CIITA: variants seen among roughly 807,000 people sequenced by gnomAD.
The protein encoded by CIITA is class II major histocompatibility complex transactivator, also known as MHC class II transactivator.
A neutral mutation model predicts 115.1 loss-of-function variants in CIITA; 72 were observed. The observed-to-expected ratio is 0.63, with a 90% CI of 0.52 to 0.76. CIITA has a LOEUF of 0.76. Among genes scored for constraint, CIITA ranks in the 30% least tolerant of loss-of-function variants. The pLI, the probability that CIITA is intolerant of heterozygous loss-of-function variation, is 0.00. For synonymous variants in CIITA, 763 were observed against 635.6 expected, an observed-to-expected ratio of 1.20 and a Z score of -3.02; for missense variants, 1,617 against 1,463.8, an observed-to-expected ratio of 1.10 and a Z score of -1.71.
rs2038811106 is a variant in CIITA at position 10,902,065 on chromosome 16, G to A, written c.509G>A (p.Ser170Asn). The change falls in exon 7 of 20, where the codon AGT (serine) becomes AAT (asparagine). Residue 170 changes from serine to asparagine, a missense_variant. By Grantham distance (46) the Ser-to-Asn change is conservative (BLOSUM62 1). Coordinates refer to ENST00000324288, the MANE Select transcript of CIITA (RefSeq NM_000246.4). ...PAEPPTVVTG[S>N]LLVGPVSDCS... ...GAGCCCCCCACTGTGGTGACTGGCA[G>A]TCTCCTAGTGGGACCAGTGAGCGAC... is the stretch of plus-strand genomic sequence containing the variant. 2 of 1,614,142 alleles carry A rather than the reference G, an allele frequency of 1.2e-6. No individual in the cohort carries two copies. Among genetic ancestry groups the A allele is most frequent in the East Asian group, 2.2e-5 (1 of 44,878 alleles).
At chr16:10,913,721 C>A (rs1471007287) in intron 13 of CIITA, among the ~76,000 whole-genome samples, 1 of 151,874 alleles carries the variant, frequency 6.6e-6, no homozygotes, top group Non-Finnish European at 1.5e-5. Context: ...AGGTGGATCA[C>A]AAGGCCAGGA....
intron 1 of CIITA, chr16:10,878,832 T>A (rs1232668018): frequency 4.3e-6 from 1 of 230,444 alleles, no homozygotes; most frequent in African/African-American, 2.2e-5. Context: ...CCACTTCTGA[T>A]AAAGCACGTG....
chr16:10,929,111 C>G lies in CIITA; in HGVS notation c.*5256C>G, dbSNP rs1596638741. 2 of 716,174 alleles carry G rather than the reference C, an allele frequency of 2.8e-6. No homozygotes were observed. Among genetic ancestry groups the G allele is most frequent in the African/African-American group, 1.9e-5 (1 of 51,962 alleles). The allele number at this position is 716,174 out of a possible 1,614,324, so 44.4% of individuals were successfully genotyped here. ...GAGCGAGAATCCCACCCTCAGCCCCCCAACAGCTTCCTCAGCTTCTTTTTC... is the reference window on the plus strand; with the variant it reads ...GAGCGAGAATCCCACCCTCAGCCCCGCAACAGCTTCCTCAGCTTCTTTTTC... On this transcript the variant is annotated 3_prime_UTR_variant, in exon 20 of 20. Coordinates refer to ENST00000324288, the MANE Select transcript of CIITA (RefSeq NM_000246.4). This position sits in a 1 kb window ranked among gnomAD's most constrained non-coding sequence, Gnocchi z 4.3.
At position 10,918,509 on chromosome 16, in the gene CIITA, A is replaced by C. The variant is rs202095013; in HGVS notation, c.3132A>C (p.Ala1044=). 3.1e-6 allele frequency: 5 copies of C among 1,614,118 alleles called. No homozygotes were observed. The highest frequency in any genetic ancestry group is 4.2e-6 in the Non-Finnish European group (5 of 1,180,006). ...CCGAGGCCCTGCCTTCGCTCGCTGC[A>C]TCCCTGCTCAGGCTAAGGTGAGTGG... The part of the protein sequence containing the change: ...KLAEALPSLA[A]SLLRLSLYNN... The change falls in exon 16 of 20, where the codon GCA becomes GCC. Residue 1044 remains alanine, a synonymous_variant. Transcript: ENST00000324288.
intron 18 of CIITA, chr16:10,922,953 C>A (rs1457517873): frequency 3.6e-6 from 2 of 548,882 alleles, no homozygotes; most frequent in South Asian, 4.1e-5. Flanking sequence ...GTGGGTCTTA[C>A]AAGACCCATT....
At chr16:10,899,145 T>C in intron 5 of CIITA, 143 bp downstream of exon 5, 1 of 757,208 alleles carries the variant, frequency 1.3e-6, no homozygotes, top group South Asian at 1.5e-5. Context: ...ACAGGAGCCT[T>C]AAAATGTACA....
downstream of CIITA, chr16:10,938,362 C>T (rs548163820): frequency 6.9e-6 from 1 of 144,666 alleles, no homozygotes; most frequent in South Asian, 2.2e-4. The surrounding 1 kb of genome is among the most constrained non-coding windows in gnomAD (Gnocchi z 4.9). Context: ...TGGGTCCACA[C>T]ATAAGAGAAA....
At chr16:10,897,461 G>A (rs2038247350) in intron 3 of CIITA, among the ~76,000 whole-genome samples, 1 of 152,186 alleles carries the variant, frequency 6.6e-6, no homozygotes, top group Non-Finnish European at 1.5e-5. Context: ...TCTCAATACT[G>A]CCACATAGGG....
intron 8 of CIITA, 56 bp downstream of exon 8, chr16:10,902,857 G>T: frequency 6.2e-7 from 1 of 1,601,958 alleles, no homozygotes. Context: ...ACTGCTCCCT[G>T]ACCTCATCCT....
At chr16:10,868,378 C>T (rs1181161742) in intron 1 of CIITA, among the ~76,000 whole-genome samples, 3 of 152,164 alleles carry the variant, frequency 2.0e-5, no homozygotes, top group African/African-American at 4.8e-5. Flanking sequence ...TGCATTTTGG[C>T]GGCCTTATCT....
intron 1 of CIITA, among the ~76,000 whole-genome samples, chr16:10,889,731 C>G (rs1297922550): frequency 1.3e-5 from 2 of 152,120 alleles, no homozygotes; most frequent in Non-Finnish European, 2.9e-5. Context: ...GTTGCCCGGG[C>G]TGGTCTCAAA....
rs2041114466 is a variant in CIITA at position 10,942,446 on chromosome 16, G to T, written n.1572G>T. The T allele has an allele frequency of 6.5e-6, 1 of 153,418 alleles. No individual in the cohort carries two copies. Among genetic ancestry groups the T allele is most frequent in the South Asian group, 2.0e-4 (1 of 4,940 alleles). 9.5% of individuals were successfully genotyped at this position (153,418 alleles called of 1,614,324 possible). A position where few individuals can be genotyped will look rare whatever the true frequency, so the allele number is the denominator to read the frequency against. On this transcript the variant is annotated non_coding_transcript_exon_variant, in exon 2 of 2. Coordinates refer to the CIITA transcript ENST00000573379. The surrounding 1 kb of genome is among the most constrained non-coding windows in gnomAD (Gnocchi z 5.0). ...CCCAGCACCCATGGCTGCGGCCGCC[G>T]CGTAGCCCTCCCGGTGGCGCTCGGA...
downstream of CIITA, chr16:10,937,898 G>T (rs986833879): frequency 5.3e-5 from 8 of 152,220 alleles, no homozygotes; most frequent in Non-Finnish European, 8.8e-5. This position sits in a 1 kb window ranked among gnomAD's most constrained non-coding sequence, Gnocchi z 4.2. Flanking sequence ...TTCTCCTAAG[G>T]GTCCTGGGGC....
rs751232591 is a variant in CIITA at position 10,866,285 on chromosome 16, C to G, written c.-55C>G. ...AGGGCAGCTGCCCTGACTCCAAGGG[C>G]TGCCATGAACAACTTCCAGGCCATC... On this transcript the variant is annotated 5_prime_UTR_variant, in exon 1 of 6. Transcript: ENST00000636238. 8.9e-6 allele frequency: 5 copies of G among 563,694 alleles called. No individual in the cohort carries two copies. In the East Asian group the frequency reaches 1.5e-4, roughly 17 times the overall value. The allele number at this position is 563,694 out of a possible 1,614,324, so 34.9% of individuals were successfully genotyped here.
At chr16:10,878,181 G>A (rs76443146) in intron 1 of CIITA, among the ~76,000 whole-genome samples, 2,276 of 152,260 alleles carry the variant, frequency 0.015, 63 homozygotes, top group African/African-American at 0.05. Flanking sequence ...GATGGTTAAA[G>A]GGGTGGTATC....
At position 10,908,532 on chromosome 16, in the gene CIITA, C is replaced by T. The variant is rs1045021924; in HGVS notation, c.2657+383C>T. 4 of 420,700 alleles carry T rather than the reference C, an allele frequency of 9.5e-6. No individual in the cohort carries two copies. In the East Asian group the frequency reaches 2.1e-4, roughly 22 times the overall value. 26.1% of individuals were successfully genotyped at this position (420,700 alleles called of 1,614,324 possible). The stretch of plus-strand genomic sequence containing the variant: ...CTTGGACTCTCTGCCTCCATTCTCT[C>T]CTCTTCCACTCCATTTTGTATTCAG... On this transcript the variant is annotated intron_variant, in intron 11 of 19. Transcript: ENST00000324288.
At chr16:10,891,141 C>T (rs1263135405) in intron 1 of CIITA, among the ~76,000 whole-genome samples, 3 of 152,200 alleles carry the variant, frequency 2.0e-5, no homozygotes, top group African/African-American at 4.8e-5. Context: ...CTCCTCCCTG[C>T]GGTCCCTCCC....
Position 10,928,461 on chromosome 16 carries a change from T to A in CIITA, c.*4606T>A, listed in dbSNP as rs557720525. On this transcript the variant is annotated 3_prime_UTR_variant, in exon 20 of 20. Coordinates refer to ENST00000324288, the MANE Select transcript of CIITA (RefSeq NM_000246.4). Reference sequence around the variant, plus strand: ...GCGCCACTATGCCTGGCTAATTTTTTTGTATTTTTAGTAGAGATGGGGTTT... The same window carrying A: ...GCGCCACTATGCCTGGCTAATTTTTATGTATTTTTAGTAGAGATGGGGTTT... 2.6e-5 allele frequency: 4 copies of A among 152,336 alleles called. No individual in the cohort carries two copies. The East Asian group carries it at 7.7e-4, about 29-fold the overall frequency. The allele number at this position is 152,336 out of a possible 1,614,324, so 9.4% of individuals were successfully genotyped here. A position where few individuals can be genotyped will look rare whatever the true frequency, so the allele number is the denominator to read the frequency against.
Position 10,920,160 on chromosome 16 carries a change from A to G in CIITA, c.3149+1634A>G, listed in dbSNP as rs987999107. Among the ~76,000 whole-genome samples the G allele has an allele frequency of 6.6e-6, 1 of 152,248 alleles. No individual in the cohort carries two copies. The highest frequency in any genetic ancestry group is 1.5e-5 in the Non-Finnish European group (1 of 68,044). ...TCACACAGGGAGGCCCTTGTGGGTC[A>G]CAAGAGGTATTTGCAGTTTTTCAGT... On this transcript the variant is annotated intron_variant, in intron 16 of 19. Coordinates refer to ENST00000324288, the MANE Select transcript of CIITA (RefSeq NM_000246.4). The surrounding 1 kb of genome is among the most constrained non-coding windows in gnomAD (Gnocchi z 4.5).
Sources: gnomAD v4.1 joint callset for allele counts (sites outside exome capture counted in the v4.1 genomes callset) on GRCh38, gnomAD v4.1.1 for gene constraint, Gnocchi (gnomAD v3.1) non-coding constraint, MANE v1.5 for transcripts, NCBI Gene and HGNC (gene_info 2026-07-23, HGNC 2026-07-21) for gene names.